USP35: variants seen among roughly 807,000 people sequenced by gnomAD.
The protein encoded by USP35 is ubiquitin carboxyl-terminal hydrolase 35.
USP35 carries 69 observed loss-of-function variants against 83.8 expected under a neutral mutation model. That is an observed-to-expected ratio of 0.82 (90% CI 0.68 to 1.01). USP35 has a LOEUF of 1.01. Ranked by LOEUF, USP35 falls within the 50% of genes least tolerant of loss-of-function variation. The probability of loss-of-function intolerance (pLI) is 0.00; values close to 1 mark genes in which losing one functional copy is unlikely to be tolerated. For missense variants in USP35, 1,503 were observed against 1,362.5 expected (o/e 1.10, Z -1.62); for synonymous variants, 714 against 589.5 (o/e 1.21, Z -3.06).
the USP35 span, among the ~76,000 whole-genome samples, chr11:78,235,164 T>A: frequency 6.6e-6 from 1 of 152,066 alleles, no homozygotes; most frequent in African/African-American, 2.4e-5. Context: ...GTTTTTCTTT[T>A]CTTTTTGAGA....
the USP35 span, among the ~76,000 whole-genome samples, chr11:78,220,982 A>G: frequency 6.6e-6 from 1 of 152,112 alleles, no homozygotes; most frequent in Non-Finnish European, 1.5e-5. Context: ...TCCCCCGCCT[A>G]GCTCCTCCAA....
chr11:78,219,204 G>A (rs746125014), downstream of USP35: 11 of 1,442,758 alleles, frequency 7.6e-6, no homozygotes, highest in Non-Finnish European at 9.6e-6. Context: ...AACGGGAGAG[G>A]GGAGAGGGGA....
chr11:78,226,426 T>G, the USP35 span: 1 of 1,489,440 alleles, frequency 6.7e-7, no homozygotes, highest in Non-Finnish European at 9.4e-7. Context: ...CTGTGTTACC[T>G]CCTCCTCCCT....
chr11:78,227,471 G>T, the USP35 span, among the ~76,000 whole-genome samples: 1 of 152,072 alleles, frequency 6.6e-6, no homozygotes, highest in African/African-American at 2.4e-5. Flanking sequence ...ACTAGCCCAT[G>T]GGTATTGATG....
Position 78,213,827 on chromosome 11 carries a change from C to T in USP35, c.*14C>T. On this transcript the variant is annotated 3_prime_UTR_variant, in exon 11 of 11. Coordinates refer to ENST00000529308, the MANE Select transcript of USP35 (RefSeq NM_020798.4). ...CTGGTCTTCTAATGTGAACCTGCTG[C>T]CAACCTGACCCCTTCCCTCCAGGAG... The T allele has an allele frequency of 1.3e-6, 2 of 1,539,970 alleles. No homozygotes were observed. Among genetic ancestry groups the T allele is most frequent in the Non-Finnish European group, 1.7e-6 (2 of 1,153,568 alleles).
chr11:78,200,765 C>G lies in USP35; in HGVS notation c.1154C>G (p.Pro385Arg), dbSNP rs1447142559. Residue 385 changes from proline to arginine, a missense_variant, in exon 6 of 11, where the codon CCG becomes CGG. Physicochemically the swap from Pro to Arg is moderately radical, Grantham distance 103. Transcript: ENST00000529308. The stretch of plus-strand genomic sequence containing the variant: ...GTCCACTGCATGGTGTTCCGGTTCC[C>G]GGGCTTCCCGGATCTGTATGAGCCT... ...ELVHCMVFRFPGFPDLYEPVM... is the reference protein window; with the variant it reads ...ELVHCMVFRFRGFPDLYEPVM... 6.2e-7 allele frequency: 1 copy of G among 1,614,006 alleles called. No homozygotes were observed. Among genetic ancestry groups the G allele is most frequent in the Non-Finnish European group, 8.5e-7 (1 of 1,179,934 alleles).
chr11:78,220,179 G>T (rs1308210240), downstream of USP35: 3 of 805,142 alleles, frequency 3.7e-6, no homozygotes, highest in Non-Finnish European at 6.0e-6. Flanking sequence ...TATGACTAAA[G>T]ATGCATCATA....
In USP35 at chr11:78,196,779, A is replaced by C. The variant is rs759951524; in HGVS notation, c.534A>C (p.Pro178=). The C allele has an allele frequency of 1.4e-5, 22 of 1,533,592 alleles. No homozygotes were observed. The East Asian group carries it at 4.7e-4, about 32-fold the overall frequency. 95.0% of individuals were successfully genotyped at this position (1,533,592 alleles called of 1,614,324 possible). The change falls in exon 2 of 11, where the codon CCA becomes CCC. Residue 178 remains proline (P), a synonymous_variant. Transcript: ENST00000529308. This position sits in a 1 kb window ranked among gnomAD's most constrained non-coding sequence, Gnocchi z 4.8. The part of the protein sequence containing the change: ...LVRCLGRFRC[P]AEGEEGAVEF... ...GTTGCCTCGGCCGCTTCCGCTGCCC[A>C]GCCGAAGGCGAGGAGGGCGCCGTGG...
chr11:78,220,394 G>T, the USP35 span: 3 of 1,607,496 alleles, frequency 1.9e-6, no homozygotes, highest in African/African-American at 1.3e-5. Flanking sequence ...TCTTCTTAGG[G>T]GCAGGACTGT....
chr11:78,198,135 T>C (rs1863212768), intron 3 of USP35, 67 bp downstream of exon 3: 5 of 1,601,004 alleles, frequency 3.1e-6, no homozygotes, highest in Non-Finnish European at 3.4e-6. Flanking sequence ...CAGAAGCCCC[T>C]TCTCCTGGGT....
intron 3 of USP35, 61 bp from the exon 4 acceptor site, chr11:78,199,534 G>A: frequency 6.2e-7 from 1 of 1,609,844 alleles, no homozygotes; most frequent in Non-Finnish European, 8.5e-7. Context: ...CCCCTGGGCT[G>A]CCCTCACCCC....
chr11:78,219,071 G>A (rs1044093266), downstream of USP35: 20 of 554,444 alleles, frequency 3.6e-5, no homozygotes, highest in Admixed American at 9.5e-5. Context: ...GCTGGGCCCC[G>A]AGTGGGCAGA....
chr11:78,229,013 A>G, the USP35 span, among the ~76,000 whole-genome samples: 1 of 152,164 alleles, frequency 6.6e-6, no homozygotes, highest in Non-Finnish European at 1.5e-5. Flanking sequence ...AGGGATACAG[A>G]GATGCCACCT....
At chr11:78,201,618 C>T (rs750897656) in intron 6 of USP35, among the ~76,000 whole-genome samples, 8 of 152,090 alleles carry the variant, frequency 5.3e-5, no homozygotes, top group Non-Finnish European at 7.4e-5. Context: ...CTGGGCTTGA[C>T]GGGTTGCTAG....
rs1863928581 is a variant in USP35 at position 78,213,900 on chromosome 11, A to G, written c.*87A>G. 1 of 1,466,528 alleles carries G rather than the reference A, an allele frequency of 6.8e-7. No individual in the cohort carries two copies. The highest frequency in any genetic ancestry group is 9.0e-7 in the Non-Finnish European group (1 of 1,105,728). The allele number at this position is 1,466,528 out of a possible 1,614,324, so 90.8% of individuals were successfully genotyped here. A position where few individuals can be genotyped will look rare whatever the true frequency, so the allele number is the denominator to read the frequency against. ...TGTGGAGGCAGGCCCTACCAAGAGG[A>G]AGGATGGTACAGCTCATGGCACCTT... On this transcript the variant is annotated 3_prime_UTR_variant, in exon 11 of 11. Transcript: ENST00000529308.
At chr11:78,227,645 A>AAAAAAAAAAAAAAAAAAC in the USP35 span, among the ~76,000 whole-genome samples, 1 of 151,626 alleles carries the variant, frequency 6.6e-6, no homozygotes, top group African/African-American at 2.4e-5. Flanking sequence ...AAAAAAAAAA[A>AAAAAAAAAAAAAAAAAAC]AAGAACTAGC....
the USP35 span, among the ~76,000 whole-genome samples, chr11:78,231,336 G>GGTTGTGT: frequency 1.6e-4 from 24 of 145,898 alleles, no homozygotes; most frequent in South Asian, 1.3e-3. Flanking sequence ...GCGCGTGTGT[G>GGTTGTGT]GTGTGTGTGT....
chr11:78,235,282 A>G, the USP35 span, among the ~76,000 whole-genome samples: 1 of 151,768 alleles, frequency 6.6e-6, no homozygotes, highest in East Asian at 2.0e-4. Flanking sequence ...TCTCCCGAGT[A>G]GCTGGGACTA....
chr11:78,236,207 C>T, the USP35 span, among the ~76,000 whole-genome samples: 3 of 152,104 alleles, frequency 2.0e-5, no homozygotes, highest in African/African-American at 4.8e-5. Context: ...TGGTACCATT[C>T]GATATATAAT....
Sources: gnomAD v4.1 joint callset for allele counts (sites outside exome capture counted in the v4.1 genomes callset) on GRCh38, gnomAD v4.1.1 for gene constraint, Gnocchi (gnomAD v3.1) non-coding constraint, MANE v1.5 for transcripts, NCBI Gene and HGNC (gene_info 2026-07-23, HGNC 2026-07-21) for gene names.